GBP6: variants seen among roughly 807,000 people sequenced by gnomAD.
The protein encoded by GBP6 is guanylate-binding protein 6.
A neutral mutation model predicts 61.5 loss-of-function variants in GBP6; 54 were observed. The ratio of observed to expected loss-of-function variants is 0.88; its 90% CI spans 0.71 to 1.10. The LOEUF (loss-of-function observed/expected upper bound fraction) is 1.10, where lower values mean the gene tolerates loss of function less well. Among genes scored for constraint, GBP6 ranks in the 50% least tolerant of loss-of-function variants. The pLI is 0.00. For missense variants in GBP6, 748 were observed against 752.8 expected (o/e 0.99, Z 0.07); for synonymous variants, 255 against 273.7 (o/e 0.93, Z 0.67).
chr1:89,370,090 G>T (rs1336912273), intron 3 of GBP6, among the ~76,000 whole-genome samples: 1 of 152,194 alleles, frequency 6.6e-6, no homozygotes, highest in South Asian at 2.1e-4. Context: ...GAACTCTGTG[G>T]CTGGAATGGC....
At chr1:89,378,682 C>A in intron 5 of GBP6, 69 bp downstream of exon 5, 1 of 1,222,052 alleles carries the variant, frequency 8.2e-7, no homozygotes, top group Non-Finnish European at 1.2e-6. Flanking sequence ...TGCCCATCAT[C>A]TCTGGGGTTT....
chr1:89,382,995 C>A, intron 8 of GBP6, 119 bp downstream of exon 8: 1 of 610,792 alleles, frequency 1.6e-6, no homozygotes, highest in Non-Finnish European at 2.9e-6. Context: ...TCAATGTCCA[C>A]TAATTAATAT....
intron 3 of GBP6, among the ~76,000 whole-genome samples, chr1:89,376,935 T>C (rs1348354468): frequency 1.3e-5 from 2 of 152,174 alleles, no homozygotes; most frequent in Non-Finnish European, 2.9e-5. Flanking sequence ...AATAGTTTAT[T>C]GTTTGTCACG....
In GBP6 at chr1:89,382,827, A is replaced by T; in HGVS notation, c.1316A>T (p.Lys439Met). Residue 439 changes from lysine to methionine, a missense_variant, in exon 8 of 11, where the codon AAG becomes ATG. Transcript: ENST00000370456. ...GGGCACAAGCTCTACATGGAAACAAAGGAAAGGATTGAACAGGACTATTGG... is the reference window on the plus strand; with the variant it reads ...GGGCACAAGCTCTACATGGAAACAATGGAAAGGATTGAACAGGACTATTGG... Reference protein sequence around the residue: ...PGGHKLYMETKERIEQDYWQV... With the variant: ...PGGHKLYMETMERIEQDYWQV... The T allele has an allele frequency of 1.2e-6, 2 of 1,614,122 alleles. No homozygotes were observed. The highest frequency in any genetic ancestry group is 1.7e-6 in the Non-Finnish European group (2 of 1,179,958).
At chr1:89,382,940 C>A in intron 8 of GBP6, 64 bp downstream of exon 8, 1 of 1,049,892 alleles carries the variant, frequency 9.5e-7, no homozygotes, top group Non-Finnish European at 1.5e-6. Context: ...TCAGCACCAG[C>A]CGTGGGTAAT....
At chr1:89,374,267 T>A (rs913378744) in intron 3 of GBP6, among the ~76,000 whole-genome samples, 2 of 152,212 alleles carry the variant, frequency 1.3e-5, no homozygotes, top group Non-Finnish European at 2.9e-5. Flanking sequence ...TACATTTTCT[T>A]TTTCTGTTCA....
At chr1:89,379,932 G>A (rs1652916930) in intron 5 of GBP6, among the ~76,000 whole-genome samples, 1 of 152,202 alleles carries the variant, frequency 6.6e-6, no homozygotes, top group Non-Finnish European at 1.5e-5. Context: ...GAGCTCAGGA[G>A]TTTGAGACCA....
chr1:89,373,531 T>C (rs1043617932), intron 3 of GBP6, among the ~76,000 whole-genome samples: 3 of 152,156 alleles, frequency 2.0e-5, no homozygotes, highest in Admixed American at 6.5e-5. Flanking sequence ...TGGATGAAGC[T>C]GGAAACCATC....
chr1:89,374,853 G>T (rs550647392), intron 3 of GBP6, among the ~76,000 whole-genome samples: 37 of 152,110 alleles, frequency 2.4e-4, no homozygotes, highest in African/African-American at 7.9e-4. Context: ...GGTTGTACAG[G>T]TTATTTTATC....
In GBP6 at chr1:89,386,657, C is replaced by T. The variant is rs1653153100; in HGVS notation, c.*1188C>T. 6.6e-6 allele frequency among the ~76,000 whole-genome samples: 1 copy of T among 152,204 alleles called. No individual in the cohort carries two copies. Among genetic ancestry groups the T allele is most frequent in the African/African-American group, 2.4e-5 (1 of 41,454 alleles). ...TCTGTGGCCTTTGAAATCTCAGCTA[C>T]AGTAGCCTCTACTTCCTTTCTCTGA... On this transcript the variant is annotated 3_prime_UTR_variant, in exon 11 of 11. Coordinates refer to ENST00000370456, the MANE Select transcript of GBP6 (RefSeq NM_198460.3).
intron 1 of GBP6, among the ~76,000 whole-genome samples, chr1:89,366,371 C>T (rs1652467914): frequency 6.6e-6 from 1 of 152,198 alleles, no homozygotes; most frequent in South Asian, 2.1e-4. Context: ...CATTCTCCTG[C>T]TTCCCTTTTG....
In GBP6 at chr1:89,364,059, G is replaced by A. The variant is rs938784811; in HGVS notation, c.-92G>A. 6.6e-6 allele frequency: 1 copy of A among 152,246 alleles called. No homozygotes were observed. 9.4% of individuals were successfully genotyped at this position (152,246 alleles called of 1,614,324 possible). ...AAAGGAAAGAACAGAAAAGTAAAAGGAGGAAAGAAAACAAGAGGTGAGTGA... is the reference window on the plus strand; with the variant it reads ...AAAGGAAAGAACAGAAAAGTAAAAGAAGGAAAGAAAACAAGAGGTGAGTGA... On this transcript the variant is annotated 5_prime_UTR_variant, in exon 1 of 11. Coordinates refer to ENST00000370456, the MANE Select transcript of GBP6 (RefSeq NM_198460.3).
At chr1:89,384,971 G>A (rs1307762667) in intron 10 of GBP6, among the ~76,000 whole-genome samples, 1 of 152,174 alleles carries the variant, frequency 6.6e-6, no homozygotes, top group African/African-American at 2.4e-5. Context: ...CCTCCTAACT[G>A]GCATCTTTTG....
intron 3 of GBP6, among the ~76,000 whole-genome samples, chr1:89,376,446 C>A (rs1370006738): frequency 6.6e-6 from 1 of 152,124 alleles, no homozygotes; most frequent in Non-Finnish European, 1.5e-5. Context: ...TCTGTTTTCC[C>A]AGCACCATTT....
At chr1:89,364,373 T>C (rs779686560) in intron 1 of GBP6, among the ~76,000 whole-genome samples, 14 of 152,340 alleles carry the variant, frequency 9.2e-5, no homozygotes, top group South Asian at 8.3e-4. Flanking sequence ...GTGAGTGGCC[T>C]GGAATGAGCC....
In GBP6 at chr1:89,382,863, G is replaced by A. The variant is rs1272592726; in HGVS notation, c.1352G>A (p.Arg451Lys). The A allele has an allele frequency of 1.9e-6, 3 of 1,612,684 alleles. No individual in the cohort carries two copies. The highest frequency in any genetic ancestry group is 2.2e-5 in the South Asian group (2 of 91,036). The change falls in exon 8 of 11, where the codon AGG becomes AAG. Residue 451 changes from arginine to lysine, a missense_variant. By Grantham distance (26) the Arg-to-Lys change is conservative. Coordinates refer to ENST00000370456, the MANE Select transcript of GBP6 (RefSeq NM_198460.3). ...RIEQDYWQVP[R>K]KGVKAKEVFQ... ...GAACAGGACTATTGGCAAGTTCCCAGGAAAGGAGTAAAGGTAAGGAATAAG... is the reference window on the plus strand; with the variant it reads ...GAACAGGACTATTGGCAAGTTCCCAAGAAAGGAGTAAAGGTAAGGAATAAG...
chr1:89,378,516 T>C lies in GBP6; in HGVS notation c.528T>C (p.Phe176=). The C allele has an allele frequency of 1.2e-6, 2 of 1,614,096 alleles. No homozygotes were observed. Residue 176 remains phenylalanine (F), a synonymous_variant, in exon 5 of 11, where the codon TTT becomes TTC. Coordinates refer to ENST00000370456, the MANE Select transcript of GBP6 (RefSeq NM_198460.3). ...STEFVSFFPD[F]LWTVRDFTLE... Reference sequence around the variant, plus strand: ...AGTTTGTGAGTTTCTTCCCAGACTTTCTTTGGACAGTACGGGATTTCACTC... The same window carrying C: ...AGTTTGTGAGTTTCTTCCCAGACTTCCTTTGGACAGTACGGGATTTCACTC...
At position 89,378,104 on chromosome 1, in the gene GBP6, G is replaced by T. The variant is rs115243209; in HGVS notation, c.320G>T (p.Gly107Val). The T allele has an allele frequency of 2.1e-5, 34 of 1,610,938 alleles. No homozygotes were observed. In the East Asian group the frequency reaches 7.4e-4, roughly 35 times the overall value. Residue 107 changes from glycine to valine, a missense_variant and splice_region_variant, in exon 4 of 11, where the codon GGT becomes GTT. Transcript: ENST00000370456. ...DTEGLGDVEK[G>V]DPKNDSWIFA... ...CCTTTGCTCTAATGTGCTTTTTAGG[G>T]TGACCCTAAGAATGACTCCTGGATC... is the stretch of plus-strand genomic sequence containing the variant.
At position 89,388,132 on chromosome 1, in the gene GBP6, C is replaced by T. The variant is rs1653190061; in HGVS notation, c.*2663C>T. 6.6e-6 allele frequency among the ~76,000 whole-genome samples: 1 copy of T among 152,132 alleles called. No homozygotes were observed. Among genetic ancestry groups the T allele is most frequent in the East Asian group, 1.9e-4 (1 of 5,194 alleles). The stretch of plus-strand genomic sequence containing the variant: ...CACAAATCTGTAACTTCATGTATCA[C>T]AGTCTCTATAAAACTATATCAAAGA... On this transcript the variant is annotated 3_prime_UTR_variant, in exon 11 of 11. Coordinates refer to ENST00000370456, the MANE Select transcript of GBP6 (RefSeq NM_198460.3).
Sources: gnomAD v4.1 joint callset for allele counts (sites outside exome capture counted in the v4.1 genomes callset) on GRCh38, gnomAD v4.1.1 for gene constraint, MANE v1.5 for transcripts, NCBI Gene and HGNC (gene_info 2026-07-23, HGNC 2026-07-21) for gene names.